The following UNC13B variants were observed in gnomAD, a reference collection of about 807,000 sequenced individuals.
UNC13B encodes protein unc-13 homolog B.
In UNC13B, 144 loss-of-function variants were observed where a neutral mutation model predicts 211.0. The observed-to-expected ratio is 0.68, with a 90% CI of 0.60 to 0.78. The LOEUF (loss-of-function observed/expected upper bound fraction) is 0.78, where lower values mean the gene tolerates loss of function less well. UNC13B is among the 30% of genes least tolerant of loss of function. The pLI, the probability that UNC13B is intolerant of heterozygous loss-of-function variation, is 0.00. For missense variants in UNC13B, 1,777 were observed against 2,002.0 expected (o/e 0.89, Z 2.14); for synonymous variants, 709 against 725.8 (o/e 0.98, Z 0.37).
At chr9:35,232,177 C>CTTTTTTTTTTTTTTTTTGTTTTTTTTTTT (rs1825247633) in intron 3 of UNC13B, among the ~76,000 whole-genome samples, 1 of 31,536 alleles carries the variant, frequency 3.2e-5, no homozygotes, top group Non-Finnish European at 5.9e-5. Context: ...TATATTGCTG[C>CTTTTTTTTTTTTTTTTTGTTTTTTTTTTT]TTTTTTTTTT....
intron 2 of UNC13B, 26 bp downstream of exon 2, chr9:35,228,070 T>C: frequency 6.3e-7 from 1 of 1,599,272 alleles, no homozygotes; most frequent in Non-Finnish European, 8.5e-7. Context: ...TATTATGTCT[T>C]TTCCTCTTGT....
rs576082423 is a variant in UNC13B, at chr9:35,294,209, C to T, written c.527-1487C>T. On this transcript the variant is annotated intron_variant, in intron 7 of 39. Coordinates refer to ENST00000635942, the MANE Select transcript of UNC13B (RefSeq NM_001371189.2). ...TAGTTCATTAACTCTTTTCTGTTTC[C>T]GCTGTATAGATGCAGGTCCTTATCT... Among the ~76,000 whole-genome samples, 35 of 152,216 alleles carry T rather than the reference C, an allele frequency of 2.3e-4. No individual in the cohort carries two copies. The South Asian group carries it at 5.4e-3, about 23-fold the overall frequency.
chr9:35,380,492 C>G lies in UNC13B; in HGVS notation c.10228C>G (p.Arg3410Gly), dbSNP rs371965791. ...CAGTGAGTGCCACAACTCCTCTGAC[C>G]GCATTAAGGTGCGTGTATGGGATGA... ...FHFECHNSSD[R>G]IKVRVWDEDD... The change falls in exon 18 of 40, where the codon CGC becomes GGC. Residue 3410 changes from arginine to glycine, a missense_variant. Transcript: ENST00000635942. The G allele has an allele frequency of 1.9e-6, 3 of 1,613,944 alleles. No individual in the cohort carries two copies. In the African/African-American group the frequency reaches 4.0e-5, roughly 22 times the overall value.
At chr9:35,224,865 G>T (rs1054017089) in intron 1 of UNC13B, among the ~76,000 whole-genome samples, 5 of 152,126 alleles carry the variant, frequency 3.3e-5, no homozygotes, top group East Asian at 1.9e-4. Context: ...GGGATGCAAT[G>T]ATGGTTCCAC....
intron 1 of UNC13B, among the ~76,000 whole-genome samples, chr9:35,177,126 A>G (rs941652029): frequency 1.3e-5 from 2 of 152,164 alleles, no homozygotes; most frequent in Non-Finnish European, 2.9e-5. Context: ...TTTAAAAAAA[A>G]TTAAAAAAAA....
At chr9:35,389,823 C>T (rs1441066659) in intron 24 of UNC13B, 23 bp from the exon 25 acceptor site, 24 of 1,613,604 alleles carry the variant, frequency 1.5e-5, no homozygotes, top group Non-Finnish European at 1.9e-5. Flanking sequence ...CTCCCTCTCT[C>T]TCACTGTGTC....
chr9:35,273,032 T>G (rs531851431), intron 7 of UNC13B, among the ~76,000 whole-genome samples: 1 of 152,380 alleles, frequency 6.6e-6, no homozygotes, highest in South Asian at 2.1e-4. Flanking sequence ...TCTTACAGTA[T>G]TGCCTATAAT....
In UNC13B at chr9:35,380,613, G is replaced by C; in HGVS notation, c.10349G>C (p.Gly3450Ala). Reference protein sequence around the residue: ...QTIIEVRTLSGEMDVWYNLEK... With the variant: ...QTIIEVRTLSAEMDVWYNLEK... ...ATCATTGAGGTTCGGACCCTAAGTG[G>C]CGAGATGGACGTCTGGTACAACTTG... is the stretch of plus-strand genomic sequence containing the variant. Residue 3450 changes from glycine to alanine, a missense_variant, in exon 18 of 40, where the codon GGC becomes GCC. Physicochemically the swap from Gly to Ala is moderately conservative, Grantham distance 60. Transcript: ENST00000635942. 1 of 1,614,224 alleles carries C rather than the reference G, an allele frequency of 6.2e-7. No homozygotes were observed. Among genetic ancestry groups the C allele is most frequent in the Non-Finnish European group, 8.5e-7 (1 of 1,180,028 alleles).
intron 7 of UNC13B, among the ~76,000 whole-genome samples, chr9:35,266,931 A>C (rs1185109087): frequency 1.3e-5 from 2 of 152,232 alleles, no homozygotes; most frequent in African/African-American, 4.8e-5. Flanking sequence ...AACTTCCCAA[A>C]GCCTAAGATT....
intron 2 of UNC13B, among the ~76,000 whole-genome samples, chr9:35,228,487 G>A (rs145318860): frequency 0.067 from 9,911 of 147,508 alleles, 505 homozygotes; most frequent in East Asian, 0.31. Context: ...CCCTCCCCCC[G>A]TCCCCCACCC....
At position 35,244,272 on chromosome 9, in the gene UNC13B, A is replaced by T. The variant is rs79540635; in HGVS notation, c.468+908A>T. ...ATTCAAGGCAGAAATTCTTGACAGT[A>T]TCACATGTTAAATCAAGTGAATTAT... is the stretch of plus-strand genomic sequence containing the variant. On this transcript the variant is annotated intron_variant, in intron 6 of 39. Transcript: ENST00000635942. Among the ~76,000 whole-genome samples the T allele has an allele frequency of 8.5e-3, 1,299 of 152,296 alleles. 13 individuals are homozygous for T. Among genetic ancestry groups the T allele is most frequent in the African/African-American group, 0.03 (1,230 of 41,568 alleles).
chr9:35,202,092 T>C (rs1455001637), intron 1 of UNC13B, among the ~76,000 whole-genome samples: 1 of 152,228 alleles, frequency 6.6e-6, no homozygotes, highest in Non-Finnish European at 1.5e-5. Context: ...CATTTTGTTA[T>C]GCATCCAGTA....
chr9:35,394,694 G>A (rs1835762930), intron 26 of UNC13B, among the ~76,000 whole-genome samples: 1 of 152,170 alleles, frequency 6.6e-6, no homozygotes, highest in Admixed American at 6.5e-5. Flanking sequence ...GGTTGGAAGA[G>A]CTCTCCAGGA....
intron 11 of UNC13B, among the ~76,000 whole-genome samples, chr9:35,314,584 G>T (rs1830350030): frequency 6.6e-6 from 1 of 152,134 alleles, no homozygotes; most frequent in Non-Finnish European, 1.5e-5. Flanking sequence ...TACCCGTGCA[G>T]TTTTGATACA....
chr9:35,168,408 G>C (rs1334601600), intron 1 of UNC13B, among the ~76,000 whole-genome samples: 3 of 152,054 alleles, frequency 2.0e-5, no homozygotes, highest in African/African-American at 7.2e-5. Context: ...CCACTCCATA[G>C]ATGGTTTTTG....
At chr9:35,198,522 C>G (rs755855758) in intron 1 of UNC13B, among the ~76,000 whole-genome samples, 2 of 152,100 alleles carry the variant, frequency 1.3e-5, no homozygotes, top group African/African-American at 4.8e-5. Context: ...AGTACGAGAA[C>G]AGACTAATAC....
intron 2 of UNC13B, among the ~76,000 whole-genome samples, chr9:35,229,349 C>A (rs1481462818): frequency 6.6e-6 from 1 of 152,116 alleles, no homozygotes; most frequent in Non-Finnish European, 1.5e-5. Context: ...AGGTTATTAT[C>A]TTTTTGTCTC....
At chr9:35,349,404 A>C (rs1293767935) in intron 11 of UNC13B, among the ~76,000 whole-genome samples, 1 of 151,058 alleles carries the variant, frequency 6.6e-6, no homozygotes, top group East Asian at 1.9e-4. Context: ...TCCTTGTGGG[A>C]AGAGAGAAGG....
chr9:35,187,764 A>G (rs1822439847), intron 1 of UNC13B, among the ~76,000 whole-genome samples: 1 of 152,174 alleles, frequency 6.6e-6, no homozygotes, highest in Non-Finnish European at 1.5e-5. Flanking sequence ...TAAGGTCCCA[A>G]GATAAACTTG....
Sources: allele counts gnomAD v4.1 joint callset (sites outside exome capture counted in the v4.1 genomes callset), GRCh38; gene constraint gnomAD v4.1.1; transcripts MANE v1.5; gene names NCBI Gene and HGNC (gene_info 2026-07-23, HGNC 2026-07-21).